The following NCEH1 variants were observed in gnomAD, a reference collection of about 807,000 sequenced individuals.
NCEH1 encodes the protein 2-acetyl MAGE hydrolase.
Under a neutral mutation model 25.4 loss-of-function variants are expected in NCEH1, and 9 were observed. That is an observed-to-expected ratio of 0.35 (90% CI 0.21 to 0.62). The LOEUF (loss-of-function observed/expected upper bound fraction) is 0.62. Among genes scored for constraint, NCEH1 ranks in the 20% least tolerant of loss-of-function variants. The pLI, the probability that NCEH1 is intolerant of heterozygous loss-of-function variation, is 0.72. For missense variants in NCEH1, 412 were observed against 501.1 expected, an observed-to-expected ratio of 0.82 and a Z score of 1.70; for synonymous variants, 200 against 199.8, an observed-to-expected ratio of 1.00 and a Z score of -0.01.
intron 2 of NCEH1, among the ~76,000 whole-genome samples, chr3:172,646,438 T>C (rs1008471343): frequency 1.3e-5 from 2 of 152,226 alleles, no homozygotes; most frequent in Non-Finnish European, 2.9e-5. Context: ...AAGAATATGG[T>C]ATTTTCTTTA....
At chr3:172,643,009 G>T (rs1321245739) in intron 3 of NCEH1, among the ~76,000 whole-genome samples, 1 of 152,096 alleles carries the variant, frequency 6.6e-6, no homozygotes, top group Non-Finnish European at 1.5e-5. Flanking sequence ...CTCAATCTCG[G>T]CTCACTGCAA....
At chr3:172,686,078 TGAC>T (rs1712678814) in intron 1 of NCEH1, among the ~76,000 whole-genome samples, 1 of 133,152 alleles carries the variant, frequency 7.5e-6, no homozygotes, top group East Asian at 2.1e-4. Flanking sequence ...TGAAACACAC[TGAC>T]AAGTCCCAGC....
In NCEH1 at chr3:172,693,595, A is replaced by G. The variant is rs144521420; in HGVS notation, c.138+17252T>C. Among the ~76,000 whole-genome samples the G allele has an allele frequency of 5.6e-3, 859 of 152,360 alleles. 15 individuals carry two copies. Among genetic ancestry groups the G allele is most frequent in the African/African-American group, 0.02 (821 of 41,578 alleles). On this transcript the variant is annotated intron_variant, in intron 1 of 4. Coordinates refer to ENST00000475381, the MANE Select transcript of NCEH1 (RefSeq NM_020792.6). Reference sequence around the variant, plus strand: ...TTATTTGCTCTCGAAATATGCTTTGAGAGAGACAGAAACCATGTTAATGTT... The same window carrying G: ...TTATTTGCTCTCGAAATATGCTTTGGGAGAGACAGAAACCATGTTAATGTT...
At chr3:172,656,356 G>A (rs778626656) in intron 1 of NCEH1, among the ~76,000 whole-genome samples, 30 of 152,210 alleles carry the variant, frequency 2.0e-4, no homozygotes, top group Non-Finnish European at 2.5e-4. Flanking sequence ...AAAGCAGATG[G>A]AAGGGAGAAT....
At chr3:172,655,377 G>A (rs1238544409) in intron 1 of NCEH1, among the ~76,000 whole-genome samples, 1 of 152,180 alleles carries the variant, frequency 6.6e-6, no homozygotes, top group East Asian at 1.9e-4. Context: ...TGGCGCACTG[G>A]CTCTGTACCC....
intron 2 of NCEH1, among the ~76,000 whole-genome samples, chr3:172,646,793 G>C (rs1056813443): frequency 1.3e-5 from 2 of 152,126 alleles, no homozygotes; most frequent in African/African-American, 4.8e-5. Flanking sequence ...CTGTCCTCCA[G>C]TACAATGTTT....
intron 1 of NCEH1, among the ~76,000 whole-genome samples, chr3:172,670,115 A>G (rs1161955541): frequency 2.0e-5 from 3 of 152,246 alleles, no homozygotes; most frequent in African/African-American, 4.8e-5. Context: ...CCTTCATCCT[A>G]TAACGGCAGA....
chr3:172,684,916 G>T (rs1390056643), intron 1 of NCEH1, among the ~76,000 whole-genome samples: 1 of 151,872 alleles, frequency 6.6e-6, no homozygotes, highest in East Asian at 1.9e-4. Flanking sequence ...GGGAGGTGAG[G>T]TTGCAGTGAG....
At chr3:172,675,331 A>AAATAAATTAATTAATT (rs1553835616) in intron 1 of NCEH1, among the ~76,000 whole-genome samples, 18 of 150,374 alleles carry the variant, frequency 1.2e-4, no homozygotes, top group African/African-American at 4.5e-4. Flanking sequence ...ATAAATAAAT[A>AAATAAATTAATTAATT]AATAAATAAA....
At chr3:172,642,002 T>A (rs1716872542) in intron 3 of NCEH1, among the ~76,000 whole-genome samples, 1 of 152,184 alleles carries the variant, frequency 6.6e-6, no homozygotes, top group Non-Finnish European at 1.5e-5. Flanking sequence ...CTCTTCTAGA[T>A]CATAAACTCT....
chr3:172,678,211 GC>G (rs1163364450), intron 1 of NCEH1, among the ~76,000 whole-genome samples: 1 of 152,158 alleles, frequency 6.6e-6, no homozygotes, highest in African/African-American at 2.4e-5. Context: ...CAGGAGTTTT[GC>G]CTACATAAAC....
rs1356862685 is a variant in NCEH1, at chr3:172,645,609, C to T, written c.437+14G>A. The T allele has an allele frequency of 1.9e-6, 3 of 1,551,094 alleles. No individual in the cohort carries two copies. The highest frequency in any genetic ancestry group is 3.5e-5 in the Admixed American group (2 of 56,952). On this transcript the variant is annotated intron_variant, in intron 3 of 4. Transcript: ENST00000475381. ...TATAAGAAAAATTTTCTATGACTAG[C>T]ATTAATTACTTACTCAATGGAAACA...
intron 1 of NCEH1, among the ~76,000 whole-genome samples, chr3:172,654,440 A>G (rs1448916258): frequency 1.3e-5 from 2 of 152,232 alleles, no homozygotes; most frequent in Non-Finnish European, 2.9e-5. Flanking sequence ...ATTGCGTAAA[A>G]AAGTGAGCCC....
At chr3:172,644,241 G>A (rs1717009220) in intron 3 of NCEH1, among the ~76,000 whole-genome samples, 1 of 151,984 alleles carries the variant, frequency 6.6e-6, no homozygotes, top group South Asian at 2.1e-4. Context: ...GGGCTTTGGG[G>A]TGACTCTAGG....
chr3:172,662,144 C>T (rs532459759), intron 1 of NCEH1, among the ~76,000 whole-genome samples: 41 of 152,202 alleles, frequency 2.7e-4, no homozygotes, highest in South Asian at 6.2e-4. Flanking sequence ...TTATGTCCCA[C>T]CAATACCTAG....
At chr3:172,656,491 G>A (rs1205966726) in intron 1 of NCEH1, among the ~76,000 whole-genome samples, 2 of 152,150 alleles carry the variant, frequency 1.3e-5, no homozygotes, top group African/African-American at 4.8e-5. Flanking sequence ...TTTTGGCTGG[G>A]CGCAGTGGCT....
At chr3:172,672,547 C>A (rs1467605374) in intron 1 of NCEH1, among the ~76,000 whole-genome samples, 2 of 152,174 alleles carry the variant, frequency 1.3e-5, no homozygotes, top group East Asian at 3.8e-4. Context: ...AGTGGAGAGA[C>A]AGCTCATCCT....
chr3:172,660,997 T>G (rs1717947121), intron 1 of NCEH1, among the ~76,000 whole-genome samples: 1 of 152,238 alleles, frequency 6.6e-6, no homozygotes, highest in African/African-American at 2.4e-5. Context: ...TTTGTCTATT[T>G]TGGCTTTTGC....
chr3:172,633,296 A>C lies in NCEH1; in HGVS notation c.*179T>G, dbSNP rs766493170. 50 of 650,400 alleles carry C rather than the reference A, an allele frequency of 7.7e-5. No individual in the cohort carries two copies. Among genetic ancestry groups the C allele is most frequent in the Non-Finnish European group, 1.2e-4 (47 of 381,070 alleles). The allele number at this position is 650,400 out of a possible 1,614,324, so 40.3% of individuals were successfully genotyped here. A position where few individuals can be genotyped will look rare whatever the true frequency, so the allele number is the denominator to read the frequency against. ...AATTTACATGTTTTGCACTTAAGTT[A>C]GTCAAATTCATTTTTAAAAATTAGG... is the stretch of plus-strand genomic sequence containing the variant. On this transcript the variant is annotated 3_prime_UTR_variant, in exon 5 of 5. Transcript: ENST00000475381.
Sources: gnomAD v4.1 joint callset for allele counts (sites outside exome capture counted in the v4.1 genomes callset) on GRCh38, gnomAD v4.1.1 for gene constraint, MANE v1.5 for transcripts, NCBI Gene and HGNC (gene_info 2026-07-23, HGNC 2026-07-21) for gene names.